The following FAM98A variants were observed in gnomAD, a reference collection of about 807,000 sequenced individuals.
The protein encoded by FAM98A is protein FAM98A.
FAM98A carries 25 observed loss-of-function variants against 62.9 expected under a neutral mutation model. That is an observed-to-expected ratio of 0.40 (90% CI 0.29 to 0.56). The LOEUF is 0.56. FAM98A is among the 20% of genes least tolerant of loss of function. FAM98A has a pLI of 0.51. For synonymous variants in FAM98A, 252 were observed against 228.6 expected (o/e 1.10, Z -0.92); for missense variants, 653 against 640.7 (o/e 1.02, Z -0.21).
Position 33,586,600 on chromosome 2 carries a change from C to A in FAM98A, c.682G>T (p.Val228Phe). The A allele has an allele frequency of 6.2e-7, 1 of 1,613,120 alleles. No homozygotes were observed. Among genetic ancestry groups the A allele is most frequent in the Non-Finnish European group, 8.5e-7 (1 of 1,179,138 alleles). The change falls in exon 6 of 8, where the codon GTC (valine) becomes TTC (phenylalanine). Residue 228 changes from valine to phenylalanine, a missense_variant. Physicochemically the swap from Val to Phe is conservative, Grantham distance 50 (BLOSUM62 -1). Coordinates refer to ENST00000238823, the MANE Select transcript of FAM98A (RefSeq NM_015475.5). ...GACCAGCCAAAGGATTGTACAGTGA[C>A]ATCCAAACGTTTTATTAGCAGCTTT... ...RRKLLIKRLDVTVQSFGWSDR... is the reference protein window; with the variant it reads ...RRKLLIKRLDFTVQSFGWSDR...
chr2:33,589,852 G>A (rs1035720620), intron 3 of FAM98A: 1 of 152,208 alleles, frequency 6.6e-6, no homozygotes, highest in Non-Finnish European at 1.5e-5. Flanking sequence ...AGTTGTGACA[G>A]AGAACTTAGG....
chr2:33,587,858 G>A (rs1045216065), intron 4 of FAM98A, among the ~76,000 whole-genome samples: 1 of 150,666 alleles, frequency 6.6e-6, no homozygotes, highest in Non-Finnish European at 1.5e-5. Context: ...TCACATACTA[G>A]ATTATGTTAG....
intron 1 of FAM98A, among the ~76,000 whole-genome samples, chr2:33,597,156 A>G (rs1677831937): frequency 6.6e-6 from 1 of 152,166 alleles, no homozygotes; most frequent in Non-Finnish European, 1.5e-5. Context: ...AGTTTATTCA[A>G]CAAGTAGTTA....
At chr2:33,596,133 C>G (rs185322835) in intron 1 of FAM98A, among the ~76,000 whole-genome samples, 1 of 152,262 alleles carries the variant, frequency 6.6e-6, no homozygotes, top group African/African-American at 2.4e-5. Flanking sequence ...AGTGAAGGCA[C>G]AAGCCACCAA....
intron 5 of FAM98A, 66 bp downstream of exon 5, chr2:33,587,174 T>G (rs1677574595): frequency 5.2e-6 from 5 of 964,626 alleles, no homozygotes; most frequent in Admixed American, 4.1e-5. Flanking sequence ...AAAATGTAAG[T>G]GTTGACATGA....
intron 2 of FAM98A, among the ~76,000 whole-genome samples, chr2:33,594,045 T>C (rs1389399681): frequency 1.3e-5 from 2 of 152,184 alleles, no homozygotes; most frequent in African/African-American, 4.8e-5. Context: ...ACAGGTTGTA[T>C]GACCTCAGGC....
At position 33,599,292 on chromosome 2, in the gene FAM98A, G is replaced by A; in HGVS notation, c.-71C>T. 7.7e-7 allele frequency: 1 copy of A among 1,298,308 alleles called. No individual in the cohort carries two copies. Among genetic ancestry groups the A allele is most frequent in the South Asian group, 1.2e-5 (1 of 84,902 alleles). 80.4% of individuals were successfully genotyped at this position (1,298,308 alleles called of 1,614,324 possible). A position where few individuals can be genotyped will look rare whatever the true frequency, so the allele number is the denominator to read the frequency against. Reference sequence around the variant, plus strand: ...GCCGGCAACGCGTACACTCGCGCATGCGCGACTTCCCCGGAACTTCCAAAT... The same window carrying A: ...GCCGGCAACGCGTACACTCGCGCATACGCGACTTCCCCGGAACTTCCAAAT... On this transcript the variant is annotated 5_prime_UTR_variant, in exon 1 of 8. Coordinates refer to ENST00000238823, the MANE Select transcript of FAM98A (RefSeq NM_015475.5).
chr2:33,599,135 G>C (rs895766155), intron 1 of FAM98A, 34 bp downstream of exon 1: 1 of 1,590,554 alleles, frequency 6.3e-7, no homozygotes, highest in Admixed American at 1.7e-5. Flanking sequence ...CCGGCAGCGT[G>C]GGGCTTGGGA....
In FAM98A at chr2:33,595,607, C is replaced by T. The variant is rs150331049; in HGVS notation, c.84G>A (p.Ala28=). ...GYKGPLLEDG[A]LSQAVSAGAS... ...CTCCAGCAGAGACTGCCTGAGAGAG[C>T]GCTCCATCTTCCAACAATGGGCCCT... Residue 28 remains alanine (A), a synonymous_variant, in exon 2 of 8, where the codon GCG becomes GCA. Transcript: ENST00000238823. The T allele has an allele frequency of 1.0e-4, 161 of 1,588,430 alleles. 1 individual carries two copies. In the African/African-American group the frequency reaches 1.9e-3, roughly 19 times the overall value.
intron 1 of FAM98A, among the ~76,000 whole-genome samples, chr2:33,596,119 G>A (rs1468973557): frequency 6.6e-6 from 1 of 152,168 alleles, no homozygotes; most frequent in African/African-American, 2.4e-5. Context: ...ATAGGCTGAA[G>A]TGCAGTGAAG....
intron 1 of FAM98A, among the ~76,000 whole-genome samples, chr2:33,597,691 C>G (rs191775917): frequency 2.0e-5 from 3 of 152,288 alleles, no homozygotes; most frequent in African/African-American, 7.2e-5. Flanking sequence ...AGGTCTACCC[C>G]CTTCCTTTCA....
At chr2:33,595,744 TAA>T in intron 1 of FAM98A, 107 bp from the exon 2 acceptor site, 4 of 750,344 alleles carry the variant, frequency 5.3e-6, no homozygotes, top group Non-Finnish European at 8.1e-6. Flanking sequence ...TTAATAAAGA[TAA>T]GTTAGTACTT....
intron 1 of FAM98A, among the ~76,000 whole-genome samples, chr2:33,597,408 A>T (rs1677836379): frequency 6.6e-6 from 1 of 152,228 alleles, no homozygotes; most frequent in South Asian, 2.1e-4. Flanking sequence ...ATTTCAGTTA[A>T]TTAAGGCTGA....
intron 1 of FAM98A, among the ~76,000 whole-genome samples, chr2:33,597,765 A>G (rs1677846453): frequency 6.6e-6 from 1 of 152,094 alleles, no homozygotes; most frequent in Non-Finnish European, 1.5e-5. Flanking sequence ...CTAGGATTTC[A>G]TTTCCTTTCC....
rs558429896 is a variant in FAM98A at position 33,592,321 on chromosome 2, G to GT, written c.203-108dup. The GT allele has an allele frequency of 6.0e-4, 559 of 928,814 alleles. 4 individuals carry two copies. The African/African-American group carries it at 8.2e-3, about 14-fold the overall frequency. 57.5% of individuals were successfully genotyped at this position (928,814 alleles called of 1,614,324 possible). ...TGTTAATAGGATTTTCATAACTTGAGTTTTTTCCCCTTCTAATTTATCCTT... is the reference window on the plus strand; with the variant it reads ...TGTTAATAGGATTTTCATAACTTGAGTTTTTTTCCCCTTCTAATTTATCCTT... On this transcript the variant is annotated intron_variant, in intron 2 of 7. Coordinates refer to ENST00000238823, the MANE Select transcript of FAM98A (RefSeq NM_015475.5).
At chr2:33,588,178 C>A in intron 4 of FAM98A, 157 bp downstream of exon 4, 2 of 624,878 alleles carry the variant, frequency 3.2e-6, no homozygotes, top group Non-Finnish European at 5.7e-6. Context: ...ATCTTTAAGG[C>A]ATCTAGGATT....
At chr2:33,592,321 G>T in intron 2 of FAM98A, 107 bp from the exon 3 acceptor site, 3 of 928,816 alleles carry the variant, frequency 3.2e-6, no homozygotes, top group Non-Finnish European at 4.8e-6. Context: ...CATAACTTGA[G>T]TTTTTTCCCC....
Position 33,592,280 on chromosome 2 carries a change from T to C in FAM98A, c.203-66A>G, listed in dbSNP as rs1677688717. The stretch of plus-strand genomic sequence containing the variant: ...ATTTTTCCATTAGCATAACAATTAT[T>C]ATATATAATTGAAATTGTTAATAGG... On this transcript the variant is annotated intron_variant, in intron 2 of 7. Transcript: ENST00000238823. 2.4e-6 allele frequency: 3 copies of C among 1,254,302 alleles called. No individual in the cohort carries two copies. In the East Asian group the frequency reaches 7.3e-5, roughly 31 times the overall value. 77.7% of individuals were successfully genotyped at this position (1,254,302 alleles called of 1,614,324 possible).
chr2:33,586,515 G>T, intron 6 of FAM98A, 47 bp downstream of exon 6: 3 of 1,239,798 alleles, frequency 2.4e-6, no homozygotes, highest in Non-Finnish European at 3.6e-6. Context: ...GATGTTCAGG[G>T]ATCATGTCTA....
Sources: gnomAD v4.1 joint callset for allele counts (sites outside exome capture counted in the v4.1 genomes callset) on GRCh38, gnomAD v4.1.1 for gene constraint, MANE v1.5 for transcripts, NCBI Gene and HGNC (gene_info 2026-07-23, HGNC 2026-07-21) for gene names.